The following ROCK2 variants were observed in gnomAD, a reference collection of about 807,000 sequenced individuals.
The protein encoded by ROCK2 is rho-associated protein kinase 2.
Under a neutral mutation model 195.1 loss-of-function variants are expected in ROCK2, and 61 were observed. That is an observed-to-expected ratio of 0.31 (90% CI 0.25 to 0.39). The LOEUF (loss-of-function observed/expected upper bound fraction) is 0.39, where lower values mean the gene tolerates loss of function less well. Among genes scored for constraint, ROCK2 ranks in the 10% least tolerant of loss-of-function variants. The pLI is 1.00. For missense variants in ROCK2, 1,109 were observed against 1,637.4 expected, an observed-to-expected ratio of 0.68 and a Z score of 5.57; for synonymous variants, 504 against 545.5, an observed-to-expected ratio of 0.92 and a Z score of 1.06.
intron 1 of ROCK2, among the ~76,000 whole-genome samples, chr2:11,305,039 G>C (rs546419921): frequency 0.02 from 834 of 41,048 alleles, 2 homozygotes; most frequent in Admixed American, 0.04. Context: ...TGTTGAGCTG[G>C]AACTAGATTG....
chr2:11,240,983 TCAA>T (rs776740755), intron 4 of ROCK2, among the ~76,000 whole-genome samples: 49 of 152,128 alleles, frequency 3.2e-4, no homozygotes, highest in African/African-American at 2.9e-4. Flanking sequence ...TTACCACAGC[TCAA>T]CAACAACTTT....
chr2:11,286,387 G>A (rs1053080791), intron 3 of ROCK2, 152 bp downstream of exon 3: 5 of 553,234 alleles, frequency 9.0e-6, no homozygotes, highest in Non-Finnish European at 1.6e-5. Context: ...GACAACAAAG[G>A]CTTCCTTTTA....
chr2:11,232,741 T>C (rs1192202869), intron 5 of ROCK2, among the ~76,000 whole-genome samples: 1 of 152,092 alleles, frequency 6.6e-6, no homozygotes, highest in Admixed American at 6.5e-5. Flanking sequence ...CATAGATGGG[T>C]AACACAATGG....
In ROCK2 at chr2:11,214,256, G is replaced by C. The variant is rs1006217352; in HGVS notation, c.2043+101C>G. The C allele has an allele frequency of 6.2e-6, 4 of 650,350 alleles. No homozygotes were observed. In the African/African-American group the frequency reaches 7.3e-5, roughly 12 times the overall value. The allele number at this position is 650,350 out of a possible 1,614,324, so 40.3% of individuals were successfully genotyped here. On this transcript the variant is annotated intron_variant, in intron 17 of 32. Coordinates refer to ENST00000315872, the MANE Select transcript of ROCK2 (RefSeq NM_004850.5). ...AATCAAAAGGAATCCATGAGCATGT[G>C]GAAATATTCCAGTTAGTGACTTCCC...
chr2:11,217,400 C>T, intron 11 of ROCK2: 2 of 588,828 alleles, frequency 3.4e-6, no homozygotes, highest in Non-Finnish European at 3.1e-6. Context: ...CTTATGTAAC[C>T]ATGCATAAGA....
chr2:11,302,884 A>G (rs1667749596), intron 1 of ROCK2, among the ~76,000 whole-genome samples: 3 of 152,134 alleles, frequency 2.0e-5, no homozygotes, highest in Admixed American at 1.3e-4. Context: ...TTTAAATTAT[A>G]TATGTGGCTC....
intron 1 of ROCK2, chr2:11,308,863 C>T (rs185335054): frequency 4.3e-6 from 7 of 1,611,908 alleles, no homozygotes; most frequent in Middle Eastern, 2.2e-4. Flanking sequence ...AACCCACTGA[C>T]TTTAAAAGAA....
At chr2:11,261,838 A>T (rs1344440645) in intron 3 of ROCK2, among the ~76,000 whole-genome samples, 1 of 152,194 alleles carries the variant, frequency 6.6e-6, no homozygotes, top group African/African-American at 2.4e-5. Flanking sequence ...TAAATAAAGA[A>T]AGAAGTAGCA....
chr2:11,274,101 G>C (rs1666744350), intron 3 of ROCK2, among the ~76,000 whole-genome samples: 1 of 151,494 alleles, frequency 6.6e-6, no homozygotes, highest in African/African-American at 2.4e-5. Context: ...ACGGAATACA[G>C]CAAAAGTAGT....
chr2:11,306,203 G>GT (rs538240252), intron 1 of ROCK2, among the ~76,000 whole-genome samples: 28 of 152,194 alleles, frequency 1.8e-4, no homozygotes, highest in Non-Finnish European at 4.0e-4. Flanking sequence ...AAAATAAGAA[G>GT]TTTTTTAAAA....
chr2:11,297,424 T>G (rs781110862), intron 1 of ROCK2, among the ~76,000 whole-genome samples: 18 of 152,244 alleles, frequency 1.2e-4, no homozygotes, highest in Admixed American at 3.3e-4. Flanking sequence ...AAGACAGTCT[T>G]AATACATTTA....
At chr2:11,298,218 C>T (rs565575343) in intron 1 of ROCK2, among the ~76,000 whole-genome samples, 2 of 152,028 alleles carry the variant, frequency 1.3e-5, no homozygotes, top group Non-Finnish European at 2.9e-5. Flanking sequence ...GCCTGTAATC[C>T]CAACACTTTG....
At chr2:11,245,796 G>A (rs1665593648) in intron 4 of ROCK2, among the ~76,000 whole-genome samples, 1 of 152,140 alleles carries the variant, frequency 6.6e-6, no homozygotes, top group African/African-American at 2.4e-5. Context: ...ACCACAATTT[G>A]AGCATCAATA....
In ROCK2 at chr2:11,235,988, ATT is replaced by A; in HGVS notation, c.463-28_463-27del. The A allele has an allele frequency of 2.1e-6, 3 of 1,447,690 alleles. No homozygotes were observed. Among genetic ancestry groups the A allele is most frequent in the Non-Finnish European group, 2.7e-6 (3 of 1,097,948 alleles). The allele number at this position is 1,447,690 out of a possible 1,614,324, so 89.7% of individuals were successfully genotyped here. A position where few individuals can be genotyped will look rare whatever the true frequency, so the allele number is the denominator to read the frequency against. On this transcript the variant is annotated intron_variant, in intron 4 of 32. Coordinates refer to ENST00000315872, the MANE Select transcript of ROCK2 (RefSeq NM_004850.5). The surrounding 1 kb of genome is among the most constrained non-coding windows in gnomAD (Gnocchi z 4.2). ...CTGGAAAACAAAAGGAAAAGGAAAA[ATT>A]TTTAAAAACCCAAACCAAAAATCAT...
chr2:11,187,529 CT>C (rs918745595), intron 32 of ROCK2, among the ~76,000 whole-genome samples: 3 of 152,060 alleles, frequency 2.0e-5, no homozygotes, highest in Non-Finnish European at 4.4e-5. Context: ...AGGCTGATCA[CT>C]TTTTTTTACA....
At chr2:11,293,361 T>C (rs1437269897) in intron 1 of ROCK2, among the ~76,000 whole-genome samples, 1 of 152,204 alleles carries the variant, frequency 6.6e-6, no homozygotes, top group African/African-American at 2.4e-5. Context: ...ACCCAACTTC[T>C]AGGGCCCTCG....
rs1663670256 is a variant in ROCK2, at chr2:11,197,141, T to C, written c.3448+39A>G. Reference sequence around the variant, plus strand: ...AGACTTAAAACAATCAACTGATTTATATTTAAGATAAATATTAGTGCTGAA... The same window carrying C: ...AGACTTAAAACAATCAACTGATTTACATTTAAGATAAATATTAGTGCTGAA... On this transcript the variant is annotated intron_variant, in intron 27 of 32. Coordinates refer to ENST00000315872, the MANE Select transcript of ROCK2 (RefSeq NM_004850.5). The surrounding 1 kb of genome is among the most constrained non-coding windows in gnomAD (Gnocchi z 4.9). The C allele has an allele frequency of 1.4e-6, 2 of 1,437,588 alleles. No individual in the cohort carries two copies. Among genetic ancestry groups the C allele is most frequent in the East Asian group, 4.8e-5 (2 of 41,354 alleles). 89.1% of individuals were successfully genotyped at this position (1,437,588 alleles called of 1,614,324 possible).
chr2:11,286,801 T>C (rs549176192), intron 2 of ROCK2, among the ~76,000 whole-genome samples, 162 bp from the exon 3 acceptor site: 1 of 152,346 alleles, frequency 6.6e-6, no homozygotes, highest in Non-Finnish European at 1.5e-5. Flanking sequence ...ACATTAACGT[T>C]AAAGAACCAA....
chr2:11,190,226 TAC>T (rs1312860286), intron 32 of ROCK2, among the ~76,000 whole-genome samples: 1 of 152,198 alleles, frequency 6.6e-6, no homozygotes, highest in Non-Finnish European at 1.5e-5. Context: ...CTACACATTT[TAC>T]AGTCAATTTT....
Sources: gnomAD v4.1 joint callset for allele counts (sites outside exome capture counted in the v4.1 genomes callset) on GRCh38, gnomAD v4.1.1 for gene constraint, Gnocchi (gnomAD v3.1) non-coding constraint, MANE v1.5 for transcripts, NCBI Gene and HGNC (gene_info 2026-07-23, HGNC 2026-07-21) for gene names.